Variants in ADAMTS17 observed in about 807,000 individuals in gnomAD.
The protein encoded by ADAMTS17 is A disintegrin and metalloproteinase with thrombospondin motifs 17.
ADAMTS17 carries 113 observed loss-of-function variants against 141.5 expected under a neutral mutation model. The observed-to-expected ratio is 0.80, with a 90% CI of 0.69 to 0.93. The LOEUF (loss-of-function observed/expected upper bound fraction) is 0.93, where lower values mean the gene tolerates loss of function less well. Ranked by LOEUF, ADAMTS17 falls within the 40% of genes least tolerant of loss-of-function variation. The probability of loss-of-function intolerance (pLI) is 0.00; values close to 1 mark genes in which losing one functional copy is unlikely to be tolerated. For missense variants in ADAMTS17, 1,659 were observed against 1,517.9 expected (o/e 1.09, Z -1.54); for synonymous variants, 768 against 630.6 (o/e 1.22, Z -3.27).
chr15:100,203,591 G>C (rs2041421847), intron 7 of ADAMTS17, among the ~76,000 whole-genome samples: 1 of 152,190 alleles, frequency 6.6e-6, no homozygotes, highest in Admixed American at 6.5e-5. Flanking sequence ...TGTAGTCCCA[G>C]CTACTTGGGA....
In ADAMTS17 at chr15:100,152,675, G is replaced by A; in HGVS notation, c.1410C>T (p.Tyr470=). Residue 470 remains tyrosine, a synonymous_variant, in exon 10 of 22, where the codon TAC becomes TAT. Transcript: ENST00000268070. The part of the protein sequence containing the change: ...RLPHKLPGMH[Y]SANEQCQILF... ...GGATCTGGCACTGCTCGTTGGCACT[G>A]TAGTGCATGCCCGGCAGCTTGTGCG... is the stretch of plus-strand genomic sequence containing the variant. 2 of 1,614,224 alleles carry A rather than the reference G, an allele frequency of 1.2e-6. No homozygotes were observed. The highest frequency in any genetic ancestry group is 1.3e-5 in the African/African-American group (1 of 75,074).
chr15:100,155,352 T>C (rs772748740), intron 8 of ADAMTS17, 32 bp from the exon 9 acceptor site: 23 of 1,604,438 alleles, frequency 1.4e-5, no homozygotes, highest in East Asian at 4.5e-5. Flanking sequence ...GGGATGCTTA[T>C]GCTACAAGCT....
Position 100,054,139 on chromosome 15 carries a change from G to C in ADAMTS17, c.2138-85C>G, listed in dbSNP as rs1017033484. ...TCTTTAAACGGAATCTACAGCCCCT[G>C]AGTGGGGCAGAGGTCTCCCTTCCAC... On this transcript the variant is annotated intron_variant, in intron 15 of 21. Coordinates refer to ENST00000268070, the MANE Select transcript of ADAMTS17 (RefSeq NM_139057.4). 5 of 1,484,470 alleles carry C rather than the reference G, an allele frequency of 3.4e-6. No homozygotes were observed. The African/African-American group carries it at 5.5e-5, about 16-fold the overall frequency. The allele number at this position is 1,484,470 out of a possible 1,614,324, so 92.0% of individuals were successfully genotyped here. A position where few individuals can be genotyped will look rare whatever the true frequency, so the allele number is the denominator to read the frequency against.
chr15:100,167,368 C>T (rs1220205494), intron 8 of ADAMTS17, among the ~76,000 whole-genome samples: 1 of 152,210 alleles, frequency 6.6e-6, no homozygotes, highest in Non-Finnish European at 1.5e-5. Context: ...AGCCCTTTGC[C>T]TGTTATCACG....
At chr15:100,255,873 G>A (rs1242545779) in intron 6 of ADAMTS17, among the ~76,000 whole-genome samples, 4 of 152,308 alleles carry the variant, frequency 2.6e-5, no homozygotes, top group East Asian at 3.9e-4. Flanking sequence ...TGCCCTGAGG[G>A]GAAACAGTCA....
chr15:100,237,265 G>A (rs1014012566), intron 7 of ADAMTS17, among the ~76,000 whole-genome samples: 11 of 152,170 alleles, frequency 7.2e-5, no homozygotes, highest in African/African-American at 2.2e-4. Flanking sequence ...GACGGCACCA[G>A]GCAAGCAGGA....
rs200600786 is a variant in ADAMTS17 at position 100,330,853 on chromosome 15, G to A, written c.616+36C>T. 1.3e-3 allele frequency: 2,062 copies of A among 1,609,662 alleles called. 1 individual carries two copies. Among genetic ancestry groups the A allele is most frequent in the Non-Finnish European group, 1.5e-3 (1,759 of 1,176,292 alleles). On this transcript the variant is annotated intron_variant, in intron 3 of 21. Coordinates refer to ENST00000268070, the MANE Select transcript of ADAMTS17 (RefSeq NM_139057.4). ...CACACAAAGGATGTGGGCTGTGCGTGTGTTCTAAGCTGGTCATGCTGCTGC... is the reference window on the plus strand; with the variant it reads ...CACACAAAGGATGTGGGCTGTGCGTATGTTCTAAGCTGGTCATGCTGCTGC...
chr15:100,249,160 G>A (rs2043076134), intron 7 of ADAMTS17, among the ~76,000 whole-genome samples: 1 of 152,190 alleles, frequency 6.6e-6, no homozygotes, highest in African/African-American at 2.4e-5. Flanking sequence ...CCAGTACAGA[G>A]GAGTGTGGTG....
chr15:100,084,593 C>T (rs376384324), intron 15 of ADAMTS17, among the ~76,000 whole-genome samples: 3 of 152,232 alleles, frequency 2.0e-5, no homozygotes, highest in Non-Finnish European at 4.4e-5. Context: ...AGGCACCCCC[C>T]TGTAGGGGCG....
intron 3 of ADAMTS17, among the ~76,000 whole-genome samples, chr15:100,314,681 G>A (rs1357167058): frequency 7.9e-5 from 12 of 152,194 alleles, no homozygotes; most frequent in Non-Finnish European, 1.6e-4. Flanking sequence ...TTGAGTCTGG[G>A]TGACTGGAAA....
chr15:100,326,546 G>T (rs917384835), intron 3 of ADAMTS17, among the ~76,000 whole-genome samples: 3 of 152,214 alleles, frequency 2.0e-5, no homozygotes. Context: ...TGTGTGGGCT[G>T]TAATAATGGA....
Position 100,320,731 on chromosome 15 carries a change from G to C in ADAMTS17, c.616+10158C>G, listed in dbSNP as rs558970735. ...GCCTGTAGTCCCAGCTACTCGAAAG[G>C]TTAAGGTAGGAGGATCCCTTAAGCC... is the stretch of plus-strand genomic sequence containing the variant. On this transcript the variant is annotated intron_variant, in intron 3 of 21. Transcript: ENST00000268070. 2.6e-5 allele frequency among the ~76,000 whole-genome samples: 4 copies of C among 152,292 alleles called. 1 individual carries two copies. The East Asian group carries it at 5.8e-4, about 22-fold the overall frequency.
intron 9 of ADAMTS17, among the ~76,000 whole-genome samples, chr15:100,153,521 G>A (rs1410267228): frequency 2.6e-5 from 4 of 152,122 alleles, no homozygotes; most frequent in Non-Finnish European, 5.9e-5. Context: ...AGTCCCACCT[G>A]TAGTCCCAGC....
At chr15:100,186,866 T>C (rs1051274313) in intron 8 of ADAMTS17, among the ~76,000 whole-genome samples, 3 of 152,238 alleles carry the variant, frequency 2.0e-5, no homozygotes, top group Non-Finnish European at 4.4e-5. Flanking sequence ...TCTGGAATGT[T>C]TCCTATAAGC....
chr15:100,173,189 TTTTTC>T (rs975832972), intron 8 of ADAMTS17, among the ~76,000 whole-genome samples: 2 of 152,196 alleles, frequency 1.3e-5, no homozygotes, highest in African/African-American at 4.8e-5. Flanking sequence ...TTAATTATTT[TTTTTC>T]TTTTCTTTTC....
At chr15:100,146,322 A>G (rs1219073553) in intron 10 of ADAMTS17, among the ~76,000 whole-genome samples, 1 of 152,248 alleles carries the variant, frequency 6.6e-6, no homozygotes, top group Non-Finnish European at 1.5e-5. Flanking sequence ...TTTCATGGAC[A>G]TTTATTAGTT....
At chr15:99,977,401 A>ATT (rs71151928) in intron 20 of ADAMTS17, among the ~76,000 whole-genome samples, 6 of 5,158 alleles carry the variant, frequency 1.2e-3, no homozygotes, top group Non-Finnish European at 2.2e-3. Context: ...TATATATATA[A>ATT]TTTTTTTTTT....
chr15:100,254,263 G>C, intron 6 of ADAMTS17, 84 bp from the exon 7 acceptor site: 1 of 1,260,578 alleles, frequency 7.9e-7, no homozygotes, highest in Non-Finnish European at 1.2e-6. Flanking sequence ...ACCTCAAGTA[G>C]TCATCCTGCA....
chr15:100,035,127 T>C (rs2030574851), intron 18 of ADAMTS17, among the ~76,000 whole-genome samples: 1 of 152,144 alleles, frequency 6.6e-6, no homozygotes, highest in African/African-American at 2.4e-5. Flanking sequence ...TGCTCAGCTT[T>C]CAAAAGAGCA....
Sources: gnomAD v4.1 joint callset for allele counts (sites outside exome capture counted in the v4.1 genomes callset) on GRCh38, gnomAD v4.1.1 for gene constraint, MANE v1.5 for transcripts, NCBI Gene and HGNC (gene_info 2026-07-23, HGNC 2026-07-21) for gene names.